The following EYA1 variants were observed in gnomAD, a reference collection of about 807,000 sequenced individuals.
EYA1 encodes the protein EYA transcriptional coactivator and phosphatase 1, also known as protein phosphatase EYA1.
Under a neutral mutation model 82.0 loss-of-function variants are expected in EYA1, and 16 were observed. The observed-to-expected ratio is 0.20, with a 90% CI of 0.13 to 0.30. The LOEUF (loss-of-function observed/expected upper bound fraction) is 0.30. Ranked by LOEUF, EYA1 falls within the 10% of genes least tolerant of loss-of-function variation. The pLI, the probability that EYA1 is intolerant of heterozygous loss-of-function variation, is 1.00. For synonymous variants in EYA1, 261 were observed against 264.4 expected, an observed-to-expected ratio of 0.99 and a Z score of 0.12; for missense variants, 633 against 730.7, an observed-to-expected ratio of 0.87 and a Z score of 1.54.
chr8:71,493,944 T>A lies in EYA1; in HGVS notation c.33+41800A>T, dbSNP rs1016453859. ...AGGCTGAGGCAGGAGAATGGCGTGATCCCGGGAGGCGGAGCTTGCAGTGAG... is the reference window on the plus strand; with the variant it reads ...AGGCTGAGGCAGGAGAATGGCGTGAACCCGGGAGGCGGAGCTTGCAGTGAG... On this transcript the variant is annotated intron_variant, in intron 2 of 18. Coordinates refer to the EYA1 transcript ENST00000643681. 9.4e-5 allele frequency among the ~76,000 whole-genome samples: 12 copies of A among 127,872 alleles called. No homozygotes were observed. The East Asian group carries it at 1.2e-3, about 13-fold the overall frequency. 83.9% of individuals were successfully genotyped at this position (127,872 alleles called of 152,430 possible). A position where few individuals can be genotyped will look rare whatever the true frequency, so the allele number is the denominator to read the frequency against.
chr8:71,362,206 A>G (rs1164543121), upstream of EYA1: 4 of 904,656 alleles, frequency 4.4e-6, no homozygotes, highest in African/African-American at 4.7e-5. Flanking sequence ...AACCACAGCT[A>G]TTCTCTTGTC....
chr8:71,317,724 A>T (rs201310056), intron 6 of EYA1, 35 bp from the exon 7 acceptor site: 2 of 1,610,634 alleles, frequency 1.2e-6, no homozygotes, highest in Non-Finnish European at 1.7e-6. Flanking sequence ...CTATCTGTCC[A>T]TTTTCAAAAG....
At chr8:71,420,399 A>C (rs1831082178) in intron 2 of EYA1, among the ~76,000 whole-genome samples, 1 of 152,216 alleles carries the variant, frequency 6.6e-6, no homozygotes. Context: ...AAGGTGGAAA[A>C]CATGGAAAAA....
intron 3 of EYA1, among the ~76,000 whole-genome samples, chr8:71,353,503 T>C (rs1425992561): frequency 6.6e-6 from 1 of 152,234 alleles, no homozygotes; most frequent in African/African-American, 2.4e-5. Context: ...TTTCAATTTT[T>C]GATAGTACCC....
intron 2 of EYA1, among the ~76,000 whole-genome samples, chr8:71,494,022 C>CA (rs34340467): frequency 0.054 from 2,259 of 41,498 alleles, 259 homozygotes; most frequent in African/African-American, 0.11. Context: ...GACTCCGTCT[C>CA]AAAAAAAAAA....
intron 2 of EYA1, among the ~76,000 whole-genome samples, chr8:71,439,975 T>C (rs1434679743): frequency 6.6e-6 from 1 of 152,146 alleles, no homozygotes; most frequent in Admixed American, 6.5e-5. Flanking sequence ...TAACACCTAT[T>C]AACTAAAAAT....
At chr8:71,407,642 T>A (rs1830333201) in intron 2 of EYA1, among the ~76,000 whole-genome samples, 1 of 115,176 alleles carries the variant, frequency 8.7e-6, no homozygotes, top group Non-Finnish European at 1.7e-5. Context: ...ATGAAATGAA[T>A]GAAATGAAGC....
intron 10 of EYA1, chr8:71,270,355 A>G (rs566289293): frequency 6.4e-6 from 1 of 155,646 alleles, no homozygotes; most frequent in Non-Finnish European, 1.4e-5. Flanking sequence ...GGGATGGGAT[A>G]CACATTGTTC....
At chr8:71,320,110 T>G (rs1225669072) in intron 6 of EYA1, among the ~76,000 whole-genome samples, 1 of 152,152 alleles carries the variant, frequency 6.6e-6, no homozygotes, top group Admixed American at 6.5e-5. Context: ...TCTCACACTC[T>G]TTGAACAGCT....
chr8:71,493,851 G>T (rs1035226630), intron 2 of EYA1, among the ~76,000 whole-genome samples: 1 of 148,152 alleles, frequency 6.7e-6, no homozygotes, highest in African/African-American at 2.5e-5. Flanking sequence ...GTGAAACCCC[G>T]TCTCTACTAA....
chr8:71,441,917 AC>A (rs1227911461), intron 2 of EYA1, among the ~76,000 whole-genome samples: 1 of 152,180 alleles, frequency 6.6e-6, no homozygotes, highest in African/African-American at 2.4e-5. Flanking sequence ...GTTTCTGAGA[AC>A]ACACACCTAG....
chr8:71,530,391 T>C (rs1176881194), intron 2 of EYA1, among the ~76,000 whole-genome samples: 2 of 152,212 alleles, frequency 1.3e-5, no homozygotes, highest in East Asian at 1.9e-4. Context: ...TGAATTTCTG[T>C]TGTTTTAAGC....
chr8:71,452,004 G>A (rs1334481106), intron 2 of EYA1, among the ~76,000 whole-genome samples: 1 of 152,194 alleles, frequency 6.6e-6, no homozygotes, highest in African/African-American at 2.4e-5. Flanking sequence ...AGGGGTCAGG[G>A]AATTCCCTTT....
At position 71,219,463 on chromosome 8, in the gene EYA1, G is replaced by A. The variant is rs944065667; in HGVS notation, c.1141-2440C>T. 3.3e-5 allele frequency among the ~76,000 whole-genome samples: 5 copies of A among 152,110 alleles called. No individual in the cohort carries two copies. In the East Asian group the frequency reaches 9.6e-4, roughly 29 times the overall value. On this transcript the variant is annotated intron_variant, in intron 12 of 17. Transcript: ENST00000340726. ...AATCATTAAAATGTCTATGTAAAAT[G>A]TGTCTATGTAATTGTTGCTTATTTC... is the stretch of plus-strand genomic sequence containing the variant.
intron 4 of EYA1, among the ~76,000 whole-genome samples, chr8:71,332,697 C>T (rs537373848): frequency 6.6e-6 from 1 of 152,126 alleles, no homozygotes. Context: ...CCTTTGATGC[C>T]TCCCATTGCA....
chr8:71,511,861 G>GA (rs1812619687), intron 2 of EYA1, among the ~76,000 whole-genome samples: 1 of 152,104 alleles, frequency 6.6e-6, no homozygotes, highest in South Asian at 2.1e-4. Context: ...AGGAAGGGGA[G>GA]AAAAAACAGC....
At chr8:71,419,949 T>C (rs1298902541) in intron 2 of EYA1, among the ~76,000 whole-genome samples, 7 of 152,144 alleles carry the variant, frequency 4.6e-5, no homozygotes, top group Admixed American at 2.0e-4. Context: ...ATCCTTATTA[T>C]AGTAGCTTTT....
At chr8:71,368,561 C>A (rs1827893573) in intron 2 of EYA1, among the ~76,000 whole-genome samples, 1 of 152,004 alleles carries the variant, frequency 6.6e-6, no homozygotes, top group African/African-American at 2.4e-5. Context: ...GAATCCCAGC[C>A]TTTTTAAAAG....
At chr8:71,296,311 G>A (rs1041972472) in intron 9 of EYA1, among the ~76,000 whole-genome samples, 1 of 151,490 alleles carries the variant, frequency 6.6e-6, no homozygotes, top group African/African-American at 2.4e-5. Context: ...AAGTAATACT[G>A]CACACCATCA....
Sources: allele counts gnomAD v4.1 joint callset (sites outside exome capture counted in the v4.1 genomes callset), GRCh38; gene constraint gnomAD v4.1.1; transcripts MANE v1.5; gene names NCBI Gene and HGNC (gene_info 2026-07-23, HGNC 2026-07-21).